Variants in MBNL1 observed in about 807,000 individuals in gnomAD.
The protein encoded by MBNL1 is muscleblind-like protein 1.
Under a neutral mutation model 42.2 loss-of-function variants are expected in MBNL1, and 8 were observed. The observed-to-expected ratio is 0.19, with a 90% confidence interval of 0.11 to 0.34. The LOEUF (loss-of-function observed/expected upper bound fraction) is 0.34, where lower values mean the gene tolerates loss of function less well. Among genes scored for constraint, MBNL1 ranks in the 10% least tolerant of loss-of-function variants. The pLI is 1.00. For missense variants in MBNL1, 309 were observed against 495.3 expected (o/e 0.62, Z 3.57); for synonymous variants, 169 against 173.9 (o/e 0.97, Z 0.22).
intron 2 of MBNL1, among the ~76,000 whole-genome samples, chr3:152,386,368 A>G (rs977991648): frequency 6.6e-6 from 1 of 151,980 alleles, no homozygotes; most frequent in Non-Finnish European, 1.5e-5. Context: ...AGATGACTGA[A>G]GAGATAACAT....
chr3:152,393,591 CTCT>C (rs1284087140), intron 2 of MBNL1, among the ~76,000 whole-genome samples: 1 of 152,158 alleles, frequency 6.6e-6, no homozygotes, highest in Admixed American at 6.6e-5. Flanking sequence ...TTATTTGTAC[CTCT>C]TCTTGAGAGT....
intron 2 of MBNL1, among the ~76,000 whole-genome samples, chr3:152,347,523 G>A (rs943617623): frequency 1.3e-5 from 2 of 151,996 alleles, no homozygotes; most frequent in African/African-American, 4.8e-5. Flanking sequence ...GACCTTTATA[G>A]CATCAGGTCA....
chr3:152,279,286 A>G (rs1227707355), intron 1 of MBNL1, among the ~76,000 whole-genome samples: 1 of 152,104 alleles, frequency 6.6e-6, no homozygotes, highest in Non-Finnish European at 1.5e-5. Flanking sequence ...TAGAGAAATT[A>G]TCTTATTTGC....
rs971889006 is a variant in MBNL1, at chr3:152,300,473, T to C, written c.174+106T>C. The C allele has an allele frequency of 4.1e-6, 4 of 980,022 alleles. No homozygotes were observed. The African/African-American group carries it at 6.6e-5, about 16-fold the overall frequency. 60.7% of individuals were successfully genotyped at this position (980,022 alleles called of 1,614,324 possible). ...ATTATGGATTGCTTTGTTCATAGTTTAGTTATACAGTGTGTTGATGATGTT... is the reference window on the plus strand; with the variant it reads ...ATTATGGATTGCTTTGTTCATAGTTCAGTTATACAGTGTGTTGATGATGTT... On this transcript the variant is annotated intron_variant, in intron 2 of 9. Coordinates refer to ENST00000324210, the MANE Select transcript of MBNL1 (RefSeq NM_021038.5).
At chr3:152,439,990 C>T (rs1369406154) in intron 4 of MBNL1, among the ~76,000 whole-genome samples, 1 of 152,128 alleles carries the variant, frequency 6.6e-6, no homozygotes, top group African/African-American at 2.4e-5. Flanking sequence ...GAATAAATGA[C>T]AACGTGGAAG....
intron 1 of MBNL1, among the ~76,000 whole-genome samples, chr3:152,289,450 A>C (rs565385503): frequency 6.6e-6 from 1 of 152,220 alleles, no homozygotes; most frequent in East Asian, 1.9e-4. Flanking sequence ...AAGTGAAAAT[A>C]GGAGTTGTCA....
intron 2 of MBNL1, among the ~76,000 whole-genome samples, chr3:152,397,272 T>C (rs1484502457): frequency 6.6e-6 from 1 of 152,164 alleles, no homozygotes; most frequent in Non-Finnish European, 1.5e-5. Flanking sequence ...GTTTGTTACA[T>C]AGATGTACAC....
chr3:152,366,503 T>G (rs2096381585), intron 2 of MBNL1, among the ~76,000 whole-genome samples: 1 of 152,202 alleles, frequency 6.6e-6, no homozygotes, highest in Non-Finnish European at 1.5e-5. Context: ...AGTTGAATGT[T>G]GATGCTATGG....
At chr3:152,341,993 C>T (rs2093341604) in intron 2 of MBNL1, among the ~76,000 whole-genome samples, 2 of 152,090 alleles carry the variant, frequency 1.3e-5, no homozygotes, top group Non-Finnish European at 1.5e-5. Flanking sequence ...CCTTCAGTCC[C>T]ATTACAATGA....
intron 2 of MBNL1, among the ~76,000 whole-genome samples, chr3:152,333,095 C>G (rs181534735): frequency 4.6e-5 from 7 of 152,256 alleles, no homozygotes; most frequent in Admixed American, 3.9e-4. Context: ...TGTTTGGACC[C>G]TGCATGTAAC....
chr3:152,437,836 C>T (rs144052402), intron 4 of MBNL1, among the ~76,000 whole-genome samples: 1,637 of 150,694 alleles, frequency 0.011, 27 homozygotes, highest in African/African-American at 0.038. Flanking sequence ...TGCGGTGGCG[C>T]GATCTCAGCT....
intron 4 of MBNL1, among the ~76,000 whole-genome samples, chr3:152,437,435 G>A (rs1298533502): frequency 6.6e-6 from 1 of 152,160 alleles, no homozygotes; most frequent in Non-Finnish European, 1.5e-5. Context: ...TGCATGTGAT[G>A]TTGCTAATTA....
At chr3:152,307,535 C>T (rs1319773963) in intron 2 of MBNL1, among the ~76,000 whole-genome samples, 1 of 151,972 alleles carries the variant, frequency 6.6e-6, no homozygotes, top group African/African-American at 2.4e-5. Flanking sequence ...TCATTTTTTT[C>T]ATAGTATTTT....
At chr3:152,248,197 G>A (rs73154148) in intron 2 of MBNL1, among the ~76,000 whole-genome samples, 4,126 of 151,786 alleles carry the variant, frequency 0.027, 76 homozygotes, top group Non-Finnish European at 0.04. Context: ...TTTTATTCTC[G>A]TTCTATGTGG....
intron 2 of MBNL1, among the ~76,000 whole-genome samples, chr3:152,313,189 A>AT (rs1179287713): frequency 1.7e-4 from 25 of 151,288 alleles, no homozygotes; most frequent in East Asian, 5.8e-4. Context: ...CACCTGGCTG[A>AT]TTTTTTTTTA....
At chr3:152,243,851 C>T (rs1203155868) in exon 1 of MBNL1, 1 of 152,468 alleles carries the variant, frequency 6.6e-6, no homozygotes, top group Non-Finnish European at 1.5e-5. Context: ...GTCTCCCAGC[C>T]TGGAAAGCAA....
At chr3:152,247,167 G>T (rs2033255505) in intron 2 of MBNL1, among the ~76,000 whole-genome samples, 1 of 152,036 alleles carries the variant, frequency 6.6e-6, no homozygotes, top group African/African-American at 2.4e-5. Flanking sequence ...TACAGTTTGG[G>T]TGCAAACTCA....
chr3:152,367,377 A>G (rs1175537984), intron 2 of MBNL1, among the ~76,000 whole-genome samples: 1 of 152,144 alleles, frequency 6.6e-6, no homozygotes, highest in Non-Finnish European at 1.5e-5. Flanking sequence ...TTATGGCTGC[A>G]TAGTATTCCA....
At chr3:152,333,226 GAAGAT>G (rs2086610344) in intron 2 of MBNL1, among the ~76,000 whole-genome samples, 1 of 152,136 alleles carries the variant, frequency 6.6e-6, no homozygotes, top group Non-Finnish European at 1.5e-5. Flanking sequence ...TAATGCCTCC[GAAGAT>G]AAGATACACT....
Sources: gnomAD v4.1 joint callset for allele counts (sites outside exome capture counted in the v4.1 genomes callset) on GRCh38, gnomAD v4.1.1 for gene constraint, MANE v1.5 for transcripts, NCBI Gene and HGNC (gene_info 2026-07-23, HGNC 2026-07-21) for gene names.